The following ZNF827 variants were observed in gnomAD, a reference collection of about 807,000 sequenced individuals.
ZNF827 encodes the protein zinc finger protein 827.
ZNF827 carries 13 observed loss-of-function variants against 102.4 expected under a neutral mutation model. The observed-to-expected ratio is 0.13, with a 90% CI of 0.08 to 0.20. The LOEUF is 0.20. ZNF827 is among the 10% of genes least tolerant of loss of function. The probability of loss-of-function intolerance (pLI) is 1.00; values close to 1 mark genes in which losing one functional copy is unlikely to be tolerated. For missense variants in ZNF827, 1,103 were observed against 1,344.4 expected, an observed-to-expected ratio of 0.82 and a Z score of 2.81; for synonymous variants, 523 against 536.2, an observed-to-expected ratio of 0.98 and a Z score of 0.34.
chr4:145,869,590 G>A (rs1748507841), intron 5 of ZNF827, among the ~76,000 whole-genome samples: 3 of 152,120 alleles, frequency 2.0e-5, no homozygotes, highest in Non-Finnish European at 1.5e-5. Context: ...AGAGAGGACA[G>A]GGCAGATAGG....
At chr4:145,794,824 C>A (rs1321561317) in intron 8 of ZNF827, among the ~76,000 whole-genome samples, 1 of 152,196 alleles carries the variant, frequency 6.6e-6, no homozygotes, top group Non-Finnish European at 1.5e-5. Flanking sequence ...ACATCCACAG[C>A]AGAACAAAAC....
chr4:145,818,651 A>G (rs1273692339), intron 8 of ZNF827, among the ~76,000 whole-genome samples: 3 of 152,248 alleles, frequency 2.0e-5, no homozygotes, highest in African/African-American at 4.8e-5. Context: ...ATATAATCCA[A>G]GATAGATTTA....
chr4:145,909,520 A>C (rs1414724138), intron 1 of ZNF827, among the ~76,000 whole-genome samples: 2 of 152,170 alleles, frequency 1.3e-5, no homozygotes, highest in African/African-American at 4.8e-5. Flanking sequence ...CCACTAGAGA[A>C]AGGTCTTTAC....
Position 145,870,312 on chromosome 4 carries a change from C to T in ZNF827, c.1914G>A (p.Gly638=), listed in dbSNP as rs762773788. ...VSEDALKPQE[G]KGSVLRRDVS... is the part of the protein sequence containing the mutation. ...CATCCCGCCTTAGCACACTTCCCTT[C>T]CCTTCCTGGGGCTTTAGTGCGTCCT... The change falls in exon 5 of 15, where the codon GGG becomes GGA. Residue 638 remains glycine, a synonymous_variant. Coordinates refer to ENST00000508784, the MANE Select transcript of ZNF827 (RefSeq NM_001306215.2). 2 of 1,614,150 alleles carry T rather than the reference C, an allele frequency of 1.2e-6. No homozygotes were observed. The highest frequency in any genetic ancestry group is 2.2e-5 in the East Asian group (1 of 44,886).
At chr4:145,789,819 A>T (rs897883723) in intron 8 of ZNF827, among the ~76,000 whole-genome samples, 6 of 152,240 alleles carry the variant, frequency 3.9e-5, no homozygotes, top group African/African-American at 1.4e-4. Flanking sequence ...AGCATCCATG[A>T]TCACATAAAT....
intron 8 of ZNF827, among the ~76,000 whole-genome samples, chr4:145,788,112 C>T (rs1362604808): frequency 6.6e-6 from 1 of 152,186 alleles, no homozygotes; most frequent in Non-Finnish European, 1.5e-5. Context: ...ATGCTAACTG[C>T]TTAGTAAACA....
intron 5 of ZNF827, among the ~76,000 whole-genome samples, chr4:145,869,123 CATT>C (rs1296329729): frequency 1.3e-5 from 2 of 152,204 alleles, no homozygotes; most frequent in Non-Finnish European, 2.9e-5. Context: ...GTAATGATTG[CATT>C]ATGCTTTATT....
chr4:145,870,129 A>T, intron 5 of ZNF827, 116 bp downstream of exon 5: 1 of 957,080 alleles, frequency 1.0e-6, no homozygotes, highest in South Asian at 1.7e-5. Context: ...CTTTGAATTC[A>T]CAGCAATAAT....
chr4:145,782,834 G>A (rs1189625992), intron 8 of ZNF827, among the ~76,000 whole-genome samples: 6 of 152,158 alleles, frequency 3.9e-5, no homozygotes, highest in Admixed American at 3.9e-4. Flanking sequence ...CCTTTTAAGT[G>A]TCATTGCTTT....
At chr4:145,869,662 T>A (rs1227671846) in intron 5 of ZNF827, among the ~76,000 whole-genome samples, 5 of 152,220 alleles carry the variant, frequency 3.3e-5, no homozygotes, top group Non-Finnish European at 1.5e-5. Context: ...TTTCCCTACA[T>A]TTAATACGCT....
intron 8 of ZNF827, among the ~76,000 whole-genome samples, chr4:145,812,553 T>C (rs1742134960): frequency 6.6e-6 from 1 of 151,426 alleles, no homozygotes; most frequent in Non-Finnish European, 1.5e-5. Flanking sequence ...TTTGAGATGG[T>C]GTCTCGCTCT....
intron 8 of ZNF827, among the ~76,000 whole-genome samples, chr4:145,783,308 T>C (rs905681665): frequency 6.6e-6 from 1 of 152,236 alleles, no homozygotes; most frequent in Non-Finnish European, 1.5e-5. Context: ...TTATTCTTAT[T>C]TTATAGTAGG....
chr4:145,892,514 A>G, intron 2 of ZNF827, 99 bp from the exon 3 acceptor site: 1 of 1,285,820 alleles, frequency 7.8e-7, no homozygotes, highest in South Asian at 1.8e-5. Context: ...AGCACTAAAA[A>G]TGATTTGGGT....
At chr4:145,825,900 C>G (rs891004826) in intron 7 of ZNF827, among the ~76,000 whole-genome samples, 6 of 152,268 alleles carry the variant, frequency 3.9e-5, no homozygotes, top group Middle Eastern at 3.4e-3. Context: ...TCTGAGGGAG[C>G]AGAGAATTAG....
rs544347185 is a variant in ZNF827 at position 145,791,618 on chromosome 4, A to G, written c.2384-12107T>C. 7.2e-5 allele frequency among the ~76,000 whole-genome samples: 11 copies of G among 152,312 alleles called. No homozygotes were observed. In the South Asian group the frequency reaches 2.3e-3, roughly 32 times the overall value. ...GGCCATCTCTATTATATCATTCTCA[A>G]TAATTTGAATACACATATACTTTCT... On this transcript the variant is annotated intron_variant, in intron 8 of 14. Transcript: ENST00000508784.
In ZNF827 at chr4:145,760,768, C is replaced by T. The variant is rs1204054239; in HGVS notation, c.*848G>A. Reference sequence around the variant, plus strand: ...TTGTCTCTCTGTTTTTGGTACAGAACATGGCTGCCCTCAGACAGTCTCTGC... The same window carrying T: ...TTGTCTCTCTGTTTTTGGTACAGAATATGGCTGCCCTCAGACAGTCTCTGC... On this transcript the variant is annotated 3_prime_UTR_variant, in exon 15 of 15. Transcript: ENST00000508784. 2 of 952,260 alleles carry T rather than the reference C, an allele frequency of 2.1e-6. No homozygotes were observed. The highest frequency in any genetic ancestry group is 1.0e-4 in the Admixed American group (2 of 19,728). The allele number at this position is 952,260 out of a possible 1,614,324, so 59.0% of individuals were successfully genotyped here.
intron 9 of ZNF827, 80 bp downstream of exon 9, chr4:145,779,294 T>C: frequency 6.6e-7 from 1 of 1,524,634 alleles, no homozygotes; most frequent in Non-Finnish European, 8.8e-7. Context: ...ATGCCTCTCT[T>C]AGAGAAACTC....
rs553304653 is a variant in ZNF827, at chr4:145,917,638, T to C, written c.44-14423A>G. Among the ~76,000 whole-genome samples, 24 of 143,630 alleles carry C rather than the reference T, an allele frequency of 1.7e-4. 1 individual carries two copies. Among genetic ancestry groups the C allele is most frequent in the South Asian group, 1.1e-3 (5 of 4,606 alleles). The allele number at this position is 143,630 out of a possible 152,430, so 94.2% of individuals were successfully genotyped here. The stretch of plus-strand genomic sequence containing the variant: ...TTGGAAAATGCATCAAGTGGTAAGA[T>C]TGAAGTTTGGAAACATGCTCTACTG... On this transcript the variant is annotated intron_variant, in intron 1 of 14. Coordinates refer to ENST00000508784, the MANE Select transcript of ZNF827 (RefSeq NM_001306215.2).
At chr4:145,858,532 C>G (rs985518926) in intron 5 of ZNF827, among the ~76,000 whole-genome samples, 1 of 150,694 alleles carries the variant, frequency 6.6e-6, no homozygotes, top group Admixed American at 6.6e-5. Flanking sequence ...GTCCCAGCTA[C>G]TTGGGAGGCT....
Sources: allele counts gnomAD v4.1 joint callset (sites outside exome capture counted in the v4.1 genomes callset), GRCh38; gene constraint gnomAD v4.1.1; transcripts MANE v1.5; gene names NCBI Gene and HGNC (gene_info 2026-07-23, HGNC 2026-07-21).